Variants in MON2 observed in about 807,000 individuals in gnomAD.
MON2 encodes the protein MON2 regulator of endosome-to-Golgi trafficking, also known as protein MON2 homolog.
MON2 carries 84 observed loss-of-function variants against 208.6 expected under a neutral mutation model. The observed-to-expected ratio is 0.40, with a 90% CI of 0.34 to 0.48. The LOEUF is 0.48. Among genes scored for constraint, MON2 ranks in the 20% least tolerant of loss-of-function variants. The probability of loss-of-function intolerance (pLI) is 0.59; values close to 1 mark genes in which losing one functional copy is unlikely to be tolerated. For missense variants in MON2, 1,611 were observed against 2,015.4 expected (o/e 0.80, Z 3.84); for synonymous variants, 660 against 694.0 (o/e 0.95, Z 0.77).
chr12:62,513,989 G>T (rs574301898), intron 8 of MON2, among the ~76,000 whole-genome samples: 16 of 147,132 alleles, frequency 1.1e-4, no homozygotes, highest in African/African-American at 3.9e-4. Flanking sequence ...AATGCCTTCT[G>T]CCAGTTACCC....
At chr12:62,544,663 TG>T in intron 20 of MON2, 2 of 949,232 alleles carry the variant, frequency 2.1e-6, no homozygotes, top group Admixed American at 2.5e-5. Context: ...TTGTTTACCC[TG>T]ATATATAATT....
rs2073514527 is a variant in MON2, at chr12:62,546,993, C to A, written c.2674C>A (p.Leu892Met). 1 of 1,613,052 alleles carries A rather than the reference C, an allele frequency of 6.2e-7. No homozygotes were observed. Among genetic ancestry groups the A allele is most frequent in the Non-Finnish European group, 8.5e-7 (1 of 1,179,322 alleles). Residue 892 changes from leucine to methionine, a missense_variant, in exon 22 of 35, where the codon CTG becomes ATG. Leu to Met is a conservative substitution (Grantham distance 15). Transcript: ENST00000393630. ...LKQLECVLQILQSQGDSLGPG... is the reference protein window; with the variant it reads ...LKQLECVLQIMQSQGDSLGPG... ...GCAGTTAGAATGCGTGTTGCAGATT[C>A]TGCAGAGTCAGGGAGACAGTCTTGG... is the stretch of plus-strand genomic sequence containing the variant.
intron 8 of MON2, among the ~76,000 whole-genome samples, chr12:62,512,514 G>A (rs1019590861): frequency 2.6e-5 from 4 of 152,132 alleles, no homozygotes; most frequent in South Asian, 2.1e-4. Flanking sequence ...AGATCACACC[G>A]ATGCAAGAGG....
Position 62,585,425 on chromosome 12 carries a change from CT to C in MON2, c.4835del (p.Leu1612Ter). ...CATCTCACGAATGGCACTCTCAGTG[CT>C]TTTAAAGAGGTCCCAAGATGTACTA... ...GYISRMALSVLLKRSQDVLHR... is the reference protein window; with the variant it reads ...GYISRMALSVXLKRSQDVLHR... On this transcript the variant is annotated frameshift_variant, in exon 33 of 35. Coordinates refer to ENST00000393630, the MANE Select transcript of MON2 (RefSeq NM_015026.3). LOFTEE classifies it high-confidence loss of function. 5 of 1,613,802 alleles carry C rather than the reference CT, an allele frequency of 3.1e-6. No homozygotes were observed. Among genetic ancestry groups the C allele is most frequent in the Non-Finnish European group, 4.2e-6 (5 of 1,179,756 alleles).
intron 8 of MON2, among the ~76,000 whole-genome samples, chr12:62,518,262 A>G (rs2071805837): frequency 6.6e-6 from 1 of 152,214 alleles, no homozygotes; most frequent in Non-Finnish European, 1.5e-5. Flanking sequence ...AGGCTTCAAC[A>G]CATGAATTTT....
Position 62,524,598 on chromosome 12 carries a change from G to A in MON2, c.1068G>A (p.Val356=), listed in dbSNP as rs1271609001. 1 of 1,613,494 alleles carries A rather than the reference G, an allele frequency of 6.2e-7. No homozygotes were observed. The highest frequency in any genetic ancestry group is 1.1e-5 in the South Asian group (1 of 91,042). Reference sequence around the variant, plus strand: ...CACAGTGGCTACGAGCTGTTGCGGTGGAATCAATACACAGATTCTGTGTGC... The same window carrying A: ...CACAGTGGCTACGAGCTGTTGCGGTAGAATCAATACACAGATTCTGTGTGC... The part of the protein sequence containing the change: ...DKPQWLRAVA[V]ESIHRFCVQP... The change falls in exon 9 of 35, where the codon GTG becomes GTA. Residue 356 remains valine, a synonymous_variant. Transcript: ENST00000393630.
chr12:62,576,051 A>ATAT (rs2074766634), intron 30 of MON2, among the ~76,000 whole-genome samples: 1 of 152,232 alleles, frequency 6.6e-6, no homozygotes, highest in African/African-American at 2.4e-5. Flanking sequence ...AATATATTCA[A>ATAT]TATTCAATAT....
chr12:62,568,488 AC>A (rs898412405), intron 29 of MON2, among the ~76,000 whole-genome samples: 2 of 151,994 alleles, frequency 1.3e-5, no homozygotes, highest in Admixed American at 6.6e-5. Flanking sequence ...ACAGGTGGGC[AC>A]CACCACCCCC....
At position 62,585,283 on chromosome 12, in the gene MON2, TA is replaced by T; in HGVS notation, c.4700-9del. 6.3e-7 allele frequency: 1 copy of T among 1,599,458 alleles called. No homozygotes were observed. Among genetic ancestry groups the T allele is most frequent in the South Asian group, 1.1e-5 (1 of 90,514 alleles). ...ACTTCTATTAACCATCAAAATTTGT[TA>T]ATTTTACAGAAGCAGAGATTGATAT... On this transcript the variant is annotated splice_polypyrimidine_tract_variant and intron_variant, in intron 32 of 34. Coordinates refer to ENST00000393630, the MANE Select transcript of MON2 (RefSeq NM_015026.3).
chr12:62,564,983 G>C (rs2136369616), intron 26 of MON2: 1 of 324,268 alleles, frequency 3.1e-6, no homozygotes, highest in South Asian at 4.3e-5. Flanking sequence ...TCACTTTGTT[G>C]GCCCTTTTTC....
chr12:62,524,290 T>C (rs2136185707), intron 8 of MON2, among the ~76,000 whole-genome samples: 1 of 152,242 alleles, frequency 6.6e-6, no homozygotes, highest in South Asian at 2.1e-4. Flanking sequence ...ATTACTAATG[T>C]TTTCAGGTAT....
Position 62,560,735 on chromosome 12 carries a change from A to G in MON2, c.3654A>G (p.Lys1218=), listed in dbSNP as rs1365402592. 2 of 1,614,010 alleles carry G rather than the reference A, an allele frequency of 1.2e-6. No individual in the cohort carries two copies. The highest frequency in any genetic ancestry group is 1.1e-5 in the South Asian group (1 of 91,084). Residue 1218 remains lysine (K), a synonymous_variant, in exon 26 of 35, where the codon AAA becomes AAG. Transcript: ENST00000393630. ...PFVRTDSIGE[K]LGRYSSSEPP... ...TAAGAACAGATTCCATTGGAGAAAAACTAGGAAGATATAGTAGCTCTGAGC... is the reference window on the plus strand; with the variant it reads ...TAAGAACAGATTCCATTGGAGAAAAGCTAGGAAGATATAGTAGCTCTGAGC...
At chr12:62,592,418 A>G (rs1165221447) in intron 34 of MON2, among the ~76,000 whole-genome samples, 168 bp from the exon 35 acceptor site, 6 of 152,346 alleles carry the variant, frequency 3.9e-5, no homozygotes, top group African/African-American at 9.6e-5. Flanking sequence ...CTTATTAAAT[A>G]TAGCAGGAAA....
At chr12:62,523,035 AAGCTT>A (rs563178683) in intron 8 of MON2, among the ~76,000 whole-genome samples, 51 of 152,292 alleles carry the variant, frequency 3.3e-4, no homozygotes, top group Non-Finnish European at 6.3e-4. Context: ...TCTTGCCTCA[AAGCTT>A]AGCTGATGAA....
At chr12:62,487,951 T>C (rs1319335407) in intron 2 of MON2, among the ~76,000 whole-genome samples, 1 of 152,116 alleles carries the variant, frequency 6.6e-6, no homozygotes, top group African/African-American at 2.4e-5. Flanking sequence ...TTCTTCTAGA[T>C]GACTTACTCC....
chr12:62,505,849 CCACTG>C (rs1421343461), intron 7 of MON2, among the ~76,000 whole-genome samples: 1 of 152,024 alleles, frequency 6.6e-6, no homozygotes, highest in Non-Finnish European at 1.5e-5. Context: ...CATGATCATA[CCACTG>C]CACTCCAGCC....
At chr12:62,570,921 G>T (rs1416138188) in intron 29 of MON2, among the ~76,000 whole-genome samples, 1 of 151,580 alleles carries the variant, frequency 6.6e-6, no homozygotes, top group Non-Finnish European at 1.5e-5. Context: ...TAGTAGAGAT[G>T]AGGTTTCACC....
rs2073077448 is a variant in MON2 at position 62,538,345 on chromosome 12, A to T, written c.2273+20A>T. ...CTCACAGTAAGAGTCAGTTTTTTTAATTGATAAAAACATTGTTATTTGTTA... is the reference window on the plus strand; with the variant it reads ...CTCACAGTAAGAGTCAGTTTTTTTATTTGATAAAAACATTGTTATTTGTTA... On this transcript the variant is annotated intron_variant, in intron 18 of 34. Transcript: ENST00000393630. 6.3e-7 allele frequency: 1 copy of T among 1,599,920 alleles called. No homozygotes were observed. Among genetic ancestry groups the T allele is most frequent in the Non-Finnish European group, 8.6e-7 (1 of 1,167,574 alleles).
chr12:62,574,343 CTTGGAAATTTAGCTCTAAAT>C (rs369825683), intron 30 of MON2, among the ~76,000 whole-genome samples: 2,555 of 152,144 alleles, frequency 0.017, 31 homozygotes, highest in Non-Finnish European at 0.025. Flanking sequence ...ATGACTGAGA[CTTGGAAATTTAGCTCTAAAT>C]TTGGAGGTTT....
Sources: gnomAD v4.1 joint callset for allele counts (sites outside exome capture counted in the v4.1 genomes callset) on GRCh38, gnomAD v4.1.1 for gene constraint, MANE v1.5 for transcripts, NCBI Gene and HGNC (gene_info 2026-07-23, HGNC 2026-07-21) for gene names.